ARHGAP26: variants seen among roughly 807,000 people sequenced by gnomAD.
ARHGAP26 encodes the protein Rho GTPase activating protein 26.
A neutral mutation model predicts 104.8 loss-of-function variants in ARHGAP26; 38 were observed. That is an observed-to-expected ratio of 0.36 (90% CI 0.28 to 0.48). The LOEUF (loss-of-function observed/expected upper bound fraction) is 0.48. Among genes scored for constraint, ARHGAP26 ranks in the 20% least tolerant of loss-of-function variants. The pLI, the probability that ARHGAP26 is intolerant of heterozygous loss-of-function variation, is 0.99. For missense variants in ARHGAP26, 704 were observed against 947.9 expected, an observed-to-expected ratio of 0.74 and a Z score of 3.38; for synonymous variants, 341 against 340.0, an observed-to-expected ratio of 1.00 and a Z score of -0.03.
At chr5:143,081,128 A>G (rs1393808281) in intron 17 of ARHGAP26, among the ~76,000 whole-genome samples, 1 of 152,092 alleles carries the variant, frequency 6.6e-6, no homozygotes, top group Non-Finnish European at 1.5e-5. Flanking sequence ...AAAGACACCA[A>G]AAGTTCTACT....
At chr5:143,116,792 A>T (rs1179601648) in intron 17 of ARHGAP26, among the ~76,000 whole-genome samples, 4 of 152,196 alleles carry the variant, frequency 2.6e-5, no homozygotes, top group South Asian at 4.1e-4. Context: ...GGCCATTTTC[A>T]TGGAACATGC....
In ARHGAP26 at chr5:143,165,767, G is replaced by A. The variant is rs181475444; in HGVS notation, c.1988+18386G>A. Among the ~76,000 whole-genome samples the A allele has an allele frequency of 4.4e-4, 67 of 152,262 alleles. No individual in the cohort carries two copies. The East Asian group carries it at 0.011, about 24-fold the overall frequency. ...GTGTCTGTCATTTCTATCTTTATGT[G>A]CATGATGTGTATTATTTATTCCCTG... is the stretch of plus-strand genomic sequence containing the variant. On this transcript the variant is annotated intron_variant, in intron 20 of 22. Transcript: ENST00000645722.
chr5:142,941,098 AAAG>A lies in ARHGAP26; in HGVS notation c.1107+8976_1107+8978del, dbSNP rs1334846274. 1.5e-3 allele frequency among the ~76,000 whole-genome samples: 219 copies of A among 149,774 alleles called. 13 individuals carry two copies. The highest frequency in any genetic ancestry group is 3.4e-3 in the Middle Eastern group (1 of 294). ...TCAAAAAAAAAAAAAAAAAAAAAAA[AAAG>A]AATCTATATTCCATTGGGTATATAC... On this transcript the variant is annotated intron_variant, in intron 11 of 22. Transcript: ENST00000645722.
chr5:143,185,466 T>C (rs980384708), intron 20 of ARHGAP26, among the ~76,000 whole-genome samples: 2 of 152,304 alleles, frequency 1.3e-5, no homozygotes, highest in Admixed American at 1.3e-4. Context: ...CTTTTTTTCT[T>C]TTACCAAAAA....
chr5:142,872,639 G>A (rs1755480665), intron 1 of ARHGAP26, among the ~76,000 whole-genome samples: 1 of 152,208 alleles, frequency 6.6e-6, no homozygotes. Flanking sequence ...GAAAGTTTAT[G>A]ATGATGACTT....
At chr5:143,165,540 A>C (rs1460536567) in intron 20 of ARHGAP26, 1 of 152,216 alleles carries the variant, frequency 6.6e-6, no homozygotes, top group African/African-American at 2.4e-5. Flanking sequence ...CAACTTTATT[A>C]GTTGTTTTAC....
At chr5:142,964,288 TTCAGTTTTGA>T (rs1277222300) in intron 11 of ARHGAP26, among the ~76,000 whole-genome samples, 1 of 152,204 alleles carries the variant, frequency 6.6e-6, no homozygotes, top group Admixed American at 6.5e-5. Context: ...CTACCCCGCT[TTCAGTTTTGA>T]TCATATACCT....
At chr5:143,050,465 C>T (rs1451738284) in intron 14 of ARHGAP26, among the ~76,000 whole-genome samples, 1 of 152,176 alleles carries the variant, frequency 6.6e-6, no homozygotes, top group East Asian at 1.9e-4. Flanking sequence ...CACCCACTTA[C>T]CGCCGATCCA....
In ARHGAP26 at chr5:143,225,466, G is replaced by C. The variant is rs2151441421; in HGVS notation, c.*3020G>C. 1 of 198,680 alleles carries C rather than the reference G, an allele frequency of 5.0e-6. No individual in the cohort carries two copies. Among genetic ancestry groups the C allele is most frequent in the South Asian group, 1.9e-4 (1 of 5,226 alleles). The allele number at this position is 198,680 out of a possible 1,614,324, so 12.3% of individuals were successfully genotyped here. A position where few individuals can be genotyped will look rare whatever the true frequency, so the allele number is the denominator to read the frequency against. ...AGACCCCCAAAGTGCTGGGATTCCA[G>C]GTGTGAGCCGCTGCGGCCGACCACA... On this transcript the variant is annotated 3_prime_UTR_variant, in exon 23 of 23. Coordinates refer to ENST00000645722, the MANE Select transcript of ARHGAP26 (RefSeq NM_001135608.3).
intron 11 of ARHGAP26, among the ~76,000 whole-genome samples, chr5:142,959,399 G>C (rs1769820881): frequency 6.6e-6 from 1 of 152,228 alleles, no homozygotes; most frequent in East Asian, 1.9e-4. Context: ...CCTCTGCTCA[G>C]GCTAGAAATC....
chr5:143,102,186 G>A (rs779454272), intron 17 of ARHGAP26, among the ~76,000 whole-genome samples: 19 of 152,088 alleles, frequency 1.2e-4, no homozygotes, highest in Admixed American at 3.3e-4. Context: ...TACAGTGCGC[G>A]CCTGGCTGGG....
chr5:143,134,837 T>C (rs1349467957), intron 19 of ARHGAP26, among the ~76,000 whole-genome samples: 1 of 152,276 alleles, frequency 6.6e-6, no homozygotes, highest in Non-Finnish European at 1.5e-5. Context: ...TAGGAAGTTA[T>C]GCGAATTAAA....
intron 11 of ARHGAP26, among the ~76,000 whole-genome samples, chr5:142,957,320 C>T (rs1311813970): frequency 6.6e-6 from 1 of 152,182 alleles, no homozygotes; most frequent in African/African-American, 2.4e-5. Context: ...AGCACTTAGT[C>T]TTTGTGATTT....
intron 4 of ARHGAP26, among the ~76,000 whole-genome samples, chr5:142,881,939 G>A (rs1562008534): frequency 6.6e-6 from 1 of 152,194 alleles, no homozygotes; most frequent in Admixed American, 6.5e-5. Context: ...AGGCTGCCAG[G>A]GAGGAAGATT....
chr5:142,984,051 T>C (rs1318503467), intron 11 of ARHGAP26, among the ~76,000 whole-genome samples: 1 of 152,156 alleles, frequency 6.6e-6, no homozygotes, highest in Non-Finnish European at 1.5e-5. Context: ...CCAGCTTCAT[T>C]GTGTCTTTTT....
At chr5:143,091,180 T>C (rs1164599326) in intron 17 of ARHGAP26, among the ~76,000 whole-genome samples, 1 of 152,176 alleles carries the variant, frequency 6.6e-6, no homozygotes, top group Non-Finnish European at 1.5e-5. Context: ...CTTTCTTGAC[T>C]CGGGTGTGAT....
intron 11 of ARHGAP26, among the ~76,000 whole-genome samples, chr5:143,003,893 A>T (rs950918313): frequency 6.6e-6 from 1 of 152,288 alleles, no homozygotes; most frequent in Admixed American, 6.5e-5. Flanking sequence ...TAAAAACTTC[A>T]TCCAGATTAA....
chr5:143,221,050 A>G (rs1231463466), intron 22 of ARHGAP26, among the ~76,000 whole-genome samples: 2 of 152,252 alleles, frequency 1.3e-5, no homozygotes, highest in Non-Finnish European at 2.9e-5. Context: ...TAACACATTA[A>G]GAGTAAATGT....
intron 17 of ARHGAP26, among the ~76,000 whole-genome samples, chr5:143,119,779 T>C (rs1562461345): frequency 6.6e-6 from 1 of 151,868 alleles, no homozygotes; most frequent in East Asian, 1.9e-4. Flanking sequence ...AACTCAGCCC[T>C]AAAAAAATTA....
Sources: allele counts gnomAD v4.1 joint callset (sites outside exome capture counted in the v4.1 genomes callset), GRCh38; gene constraint gnomAD v4.1.1; transcripts MANE v1.5; gene names NCBI Gene and HGNC (gene_info 2026-07-23, HGNC 2026-07-21).